SCAMP1: variants seen among roughly 807,000 people sequenced by gnomAD.
SCAMP1 encodes the protein secretory carrier membrane protein 1.
SCAMP1 carries 15 observed loss-of-function variants against 41.8 expected under a neutral mutation model. That is an observed-to-expected ratio of 0.36 (90% CI 0.24 to 0.55). The LOEUF (loss-of-function observed/expected upper bound fraction) is 0.55, where lower values mean the gene tolerates loss of function less well. Among genes scored for constraint, SCAMP1 ranks in the 20% least tolerant of loss-of-function variants. The pLI, the probability that SCAMP1 is intolerant of heterozygous loss-of-function variation, is 0.86. For missense variants in SCAMP1, 341 were observed against 412.6 expected, an observed-to-expected ratio of 0.83 and a Z score of 1.50; for synonymous variants, 135 against 136.8, an observed-to-expected ratio of 0.99 and a Z score of 0.09.
intron 2 of SCAMP1, among the ~76,000 whole-genome samples, chr5:78,413,501 T>G (rs183324066): frequency 1.3e-5 from 2 of 150,018 alleles, no homozygotes; most frequent in African/African-American, 4.9e-5. Context: ...CACTGCAACC[T>G]CTGCCTCCCA....
chr5:78,475,564 A>G lies in SCAMP1; in HGVS notation c.913A>G (p.Thr305Ala). 2 of 1,611,580 alleles carry G rather than the reference A, an allele frequency of 1.2e-6. No homozygotes were observed. The highest frequency in any genetic ancestry group is 8.5e-7 in the Non-Finnish European group (1 of 1,179,116). ...TGAGAAGGCCCAACAGGAGTTTGCA[A>G]CAGGTGTGATGTCCAACAAAACTGT... ...SFEKAQQEFA[T>A]GVMSNKTVQT... Residue 305 changes from threonine (T) to alanine (A), a missense_variant, in exon 9 of 9, where the codon ACA (threonine) becomes GCA (alanine). Transcript: ENST00000621999.
intron 6 of SCAMP1, among the ~76,000 whole-genome samples, chr5:78,445,402 T>G (rs1057309665): frequency 3.9e-5 from 6 of 152,220 alleles, no homozygotes; most frequent in African/African-American, 1.4e-4. Flanking sequence ...GTGGATTTAT[T>G]ATGAATAAAT....
chr5:78,384,355 A>T (rs1177689576), intron 1 of SCAMP1, among the ~76,000 whole-genome samples: 1 of 151,848 alleles, frequency 6.6e-6, no homozygotes, highest in African/African-American at 2.4e-5. Flanking sequence ...AGCTTTTTGG[A>T]TGAATCTTGA....
intron 1 of SCAMP1, chr5:78,370,592 A>G (rs1750918259): frequency 6.6e-6 from 1 of 152,128 alleles, no homozygotes; most frequent in South Asian, 2.1e-4. Flanking sequence ...TGGACACCTA[A>G]GTTGTTTCTG....
At position 78,476,915 on chromosome 5, in the gene SCAMP1, A is replaced by G. The variant is rs957842826; in HGVS notation, c.*1247A>G. The G allele has an allele frequency of 6.6e-6, 1 of 152,160 alleles. No individual in the cohort carries two copies. The highest frequency in any genetic ancestry group is 1.5e-5 in the Non-Finnish European group (1 of 67,968). The allele number at this position is 152,160 out of a possible 1,614,324, so 9.4% of individuals were successfully genotyped here. ...ATGCAGCACAGAACTTCATTCTTAT[A>G]GTATTCTTGGGTTCAACCTTTGAAT... On this transcript the variant is annotated 3_prime_UTR_variant, in exon 9 of 9. Transcript: ENST00000621999.
intron 1 of SCAMP1, among the ~76,000 whole-genome samples, chr5:78,365,654 A>G (rs1360983502): frequency 6.6e-6 from 1 of 152,176 alleles, no homozygotes; most frequent in Non-Finnish European, 1.5e-5. Context: ...TCAACCTGCT[A>G]GACTAGACCA....
intron 2 of SCAMP1, among the ~76,000 whole-genome samples, chr5:78,392,057 AGGG>A (rs1751530741): frequency 2.0e-5 from 2 of 100,130 alleles, no homozygotes; most frequent in Non-Finnish European, 4.7e-5. Flanking sequence ...AGAGAGGGAG[AGGG>A]AGACCGTGGA....
chr5:78,478,069 G>C lies in SCAMP1; in HGVS notation c.*2401G>C, dbSNP rs774929490. 3.9e-5 allele frequency: 6 copies of C among 152,536 alleles called. No homozygotes were observed. The highest frequency in any genetic ancestry group is 7.4e-5 in the Non-Finnish European group (5 of 67,984). The allele number at this position is 152,536 out of a possible 1,614,324, so 9.4% of individuals were successfully genotyped here. On this transcript the variant is annotated 3_prime_UTR_variant, in exon 9 of 9. Transcript: ENST00000621999. ...TTGAACACCGGAAAGTCATTACTCA[G>C]TGATTTGTAATTTGGGACTTGGATT...
chr5:78,404,148 G>A (rs910763389), intron 2 of SCAMP1, among the ~76,000 whole-genome samples: 1 of 148,348 alleles, frequency 6.7e-6, no homozygotes, highest in Non-Finnish European at 1.5e-5. Flanking sequence ...TTTAAACTTC[G>A]TCTATTTCTT....
At chr5:78,423,012 GCGCGCACACACACACACACACACA>G (rs1464737696) in intron 6 of SCAMP1, among the ~76,000 whole-genome samples, 35 of 150,810 alleles carry the variant, frequency 2.3e-4, no homozygotes, top group Admixed American at 9.3e-4. Context: ...ACACACGCGC[GCGCGCACACACACACACACACACA>G]CACACACACA....
intron 6 of SCAMP1, among the ~76,000 whole-genome samples, chr5:78,433,892 C>T (rs1484914078): frequency 1.3e-5 from 2 of 152,136 alleles, no homozygotes; most frequent in African/African-American, 4.8e-5. Context: ...TCTCTAAGGT[C>T]TCTGTAATAG....
intron 1 of SCAMP1, among the ~76,000 whole-genome samples, chr5:78,365,294 G>A (rs1243029704): frequency 1.3e-5 from 2 of 151,816 alleles, no homozygotes; most frequent in Non-Finnish European, 2.9e-5. Flanking sequence ...CCAACATGGT[G>A]AAACCCCGTC....
chr5:78,385,073 G>T (rs1441696368), intron 1 of SCAMP1, among the ~76,000 whole-genome samples: 2 of 152,064 alleles, frequency 1.3e-5, no homozygotes, highest in African/African-American at 4.8e-5. Context: ...GAATCCATCT[G>T]GCCATGGACT....
Position 78,480,582 on chromosome 5 carries a change from C to T in SCAMP1, c.*4914C>T, listed in dbSNP as rs1265763811. Among the ~76,000 whole-genome samples, 1 of 152,176 alleles carries T rather than the reference C, an allele frequency of 6.6e-6. No individual in the cohort carries two copies. The highest frequency in any genetic ancestry group is 1.5e-5 in the Non-Finnish European group (1 of 68,038). On this transcript the variant is annotated 3_prime_UTR_variant, in exon 9 of 9. Transcript: ENST00000621999. ...TATCTGGTGATCACTGTGGTATCTA[C>T]AGTATTCTAGTCTCCTGCACAAAAA...
chr5:78,377,683 A>G (rs1275940134), intron 1 of SCAMP1, among the ~76,000 whole-genome samples: 1 of 152,162 alleles, frequency 6.6e-6, no homozygotes, highest in Non-Finnish European at 1.5e-5. Flanking sequence ...AATATTTGCT[A>G]TACTTTTTAC....
rs1750625928 is a variant in SCAMP1, at chr5:78,360,865, C to T, written c.57+137C>T. 3.6e-6 allele frequency: 3 copies of T among 826,888 alleles called. No homozygotes were observed. The African/African-American group carries it at 5.2e-5, about 14-fold the overall frequency. 51.2% of individuals were successfully genotyped at this position (826,888 alleles called of 1,614,324 possible). A position where few individuals can be genotyped will look rare whatever the true frequency, so the allele number is the denominator to read the frequency against. On this transcript the variant is annotated intron_variant, in intron 1 of 8. Transcript: ENST00000621999. ...GAGAGGGGCGCGGGGCCGCCGTCCT[C>T]CATTTGGGGTCGCGCCCCGGCCCCG...
At chr5:78,395,312 C>T (rs1393769527) in intron 2 of SCAMP1, among the ~76,000 whole-genome samples, 4 of 152,126 alleles carry the variant, frequency 2.6e-5, no homozygotes, top group African/African-American at 9.7e-5. Flanking sequence ...AACTCATGAA[C>T]CCCCGACCCT....
chr5:78,470,043 T>C (rs1449215866), intron 8 of SCAMP1, among the ~76,000 whole-genome samples: 1 of 151,284 alleles, frequency 6.6e-6, no homozygotes, highest in Non-Finnish European at 1.5e-5. Flanking sequence ...TGAGCTATGA[T>C]TGCATACCAC....
chr5:78,471,833 T>C (rs1753889378), intron 8 of SCAMP1, among the ~76,000 whole-genome samples: 1 of 152,150 alleles, frequency 6.6e-6, no homozygotes, highest in Admixed American at 6.6e-5. Context: ...TTAGGAAAAC[T>C]CAGAGGAGCA....
Sources: gnomAD v4.1 joint callset for allele counts (sites outside exome capture counted in the v4.1 genomes callset) on GRCh38, gnomAD v4.1.1 for gene constraint, MANE v1.5 for transcripts, NCBI Gene and HGNC (gene_info 2026-07-23, HGNC 2026-07-21) for gene names.